Variants in CDC14A observed in about 807,000 individuals in gnomAD.
CDC14A encodes dual specificity protein phosphatase CDC14A.
CDC14A carries 53 observed loss-of-function variants against 74.4 expected under a neutral mutation model. That is an observed-to-expected ratio of 0.71 (90% confidence interval 0.57 to 0.89). The LOEUF (loss-of-function observed/expected upper bound fraction) is 0.89. CDC14A is among the 40% of genes least tolerant of loss of function. The probability of loss-of-function intolerance (pLI) is 0.00; values close to 1 mark genes in which losing one functional copy is unlikely to be tolerated. For synonymous variants in CDC14A, 247 were observed against 258.4 expected, an observed-to-expected ratio of 0.96 and a Z score of 0.43; for missense variants, 646 against 713.7, an observed-to-expected ratio of 0.91 and a Z score of 1.08.
intron 4 of CDC14A, among the ~76,000 whole-genome samples, chr1:100,422,194 T>C (rs6702937): frequency 0.02 from 3,012 of 152,296 alleles, 109 homozygotes; most frequent in African/African-American, 0.069. Flanking sequence ...TGCTAAGTCA[T>C]GCAGGTAAGA....
intron 15 of CDC14A, among the ~76,000 whole-genome samples, chr1:100,505,463 A>G (rs915682579): frequency 2.6e-5 from 4 of 152,248 alleles, no homozygotes; most frequent in African/African-American, 9.6e-5. Flanking sequence ...ACCTGGAATG[A>G]GATCAAAATA....
chr1:100,389,766 A>G (rs1201500462), intron 3 of CDC14A, among the ~76,000 whole-genome samples: 1 of 152,162 alleles, frequency 6.6e-6, no homozygotes, highest in African/African-American at 2.4e-5. Flanking sequence ...AGCTGCTTTT[A>G]TAGTCAATGT....
At chr1:100,371,243 G>A (rs1240850207) in intron 2 of CDC14A, among the ~76,000 whole-genome samples, 1 of 152,170 alleles carries the variant, frequency 6.6e-6, no homozygotes, top group African/African-American at 2.4e-5. Flanking sequence ...TATATCGTCA[G>A]TGGAAAGAGA....
chr1:100,446,724 G>A (rs1408302477), intron 7 of CDC14A, among the ~76,000 whole-genome samples: 1 of 152,012 alleles, frequency 6.6e-6, no homozygotes, highest in Non-Finnish European at 1.5e-5. Context: ...TTGAGAGAGG[G>A]TCTCGCTCTG....
chr1:100,471,713 T>A (rs1047295687), intron 10 of CDC14A, among the ~76,000 whole-genome samples: 2 of 152,274 alleles, frequency 1.3e-5, no homozygotes, highest in Admixed American at 6.5e-5. Context: ...ACTTGATTTA[T>A]GATAAAGGTG....
In CDC14A at chr1:100,491,520, C is replaced by A. The variant is rs578190816; in HGVS notation, c.1138-3298C>A. 2.5e-3 allele frequency among the ~76,000 whole-genome samples: 52 copies of A among 20,938 alleles called. 1 individual carries two copies. Among genetic ancestry groups the A allele is most frequent in the Non-Finnish European group, 3.3e-3 (33 of 10,114 alleles). The allele number at this position is 20,938 out of a possible 152,430, so 13.7% of individuals were successfully genotyped here. On this transcript the variant is annotated intron_variant, in intron 11 of 15. Coordinates refer to ENST00000336454, the MANE Select transcript of CDC14A (RefSeq NM_003672.4). ...AAATATATCATAAATATATCTGCATCTCTCTCTCTCTCTCTCTCTCTCTCT... is the reference window on the plus strand; with the variant it reads ...AAATATATCATAAATATATCTGCATATCTCTCTCTCTCTCTCTCTCTCTCT...
upstream of CDC14A, among the ~76,000 whole-genome samples, chr1:100,348,625 A>T (rs945705913): frequency 3.3e-5 from 5 of 152,220 alleles, no homozygotes; most frequent in African/African-American, 1.2e-4. Flanking sequence ...CATGTAATAT[A>T]AGACAATGTA....
At chr1:100,351,973 A>AGTGTGTGTGT (rs35169146), upstream of CDC14A, among the ~76,000 whole-genome samples, 34 of 146,176 alleles carry the variant, frequency 2.3e-4, no homozygotes, top group African/African-American at 8.0e-4. Context: ...GGTTTTTACG[A>AGTGTGTGTGT]GTGTGTGTGT....
chr1:100,420,052 A>AC (rs1662105541), intron 4 of CDC14A, among the ~76,000 whole-genome samples: 1 of 48,728 alleles, frequency 2.1e-5, no homozygotes, highest in African/African-American at 4.4e-5. Flanking sequence ...ACACACACAC[A>AC]CACACACACA....
At chr1:100,393,276 T>A in intron 4 of CDC14A, 2 of 1,329,350 alleles carry the variant, frequency 1.5e-6, no homozygotes, top group Non-Finnish European at 2.2e-6. Flanking sequence ...TTCAATCATA[T>A]GAACTAGATT....
intron 4 of CDC14A, among the ~76,000 whole-genome samples, chr1:100,420,082 A>ATATATATATATATATAGT (rs58124351): frequency 9.5e-6 from 1 of 105,548 alleles, no homozygotes; most frequent in Non-Finnish European, 2.0e-5. Flanking sequence ...ATATATATAT[A>ATATATATATATATATAGT]GTGTGTATGT....
rs187361890 is a variant in CDC14A, at chr1:100,408,660, C to G, written c.310-15562C>G. 1.2e-4 allele frequency among the ~76,000 whole-genome samples: 19 copies of G among 152,318 alleles called. No individual in the cohort carries two copies. The East Asian group carries it at 3.7e-3, about 29-fold the overall frequency. ...CATTGTGGTTTTGATTTACATTTCTCTAATGATCAGTGATACTGAGCTTTT... is the reference window on the plus strand; with the variant it reads ...CATTGTGGTTTTGATTTACATTTCTGTAATGATCAGTGATACTGAGCTTTT... On this transcript the variant is annotated intron_variant, in intron 4 of 15. Coordinates refer to ENST00000336454, the MANE Select transcript of CDC14A (RefSeq NM_003672.4).
At chr1:100,365,231 A>G (rs1653402210) in intron 2 of CDC14A, among the ~76,000 whole-genome samples, 1 of 152,220 alleles carries the variant, frequency 6.6e-6, no homozygotes, top group Non-Finnish European at 1.5e-5. Context: ...AGTGAATTTC[A>G]TGGAAAAAGT....
chr1:100,388,156 C>T (rs895798699), intron 3 of CDC14A, among the ~76,000 whole-genome samples: 1 of 151,980 alleles, frequency 6.6e-6, no homozygotes, highest in Non-Finnish European at 1.5e-5. Flanking sequence ...TCCCTATGCT[C>T]AGTCTGACTC....
chr1:100,373,361 G>A (rs1204655209), intron 2 of CDC14A, among the ~76,000 whole-genome samples: 1 of 152,134 alleles, frequency 6.6e-6, no homozygotes, highest in Non-Finnish European at 1.5e-5. Flanking sequence ...AGTTTGTGGA[G>A]ACCCAAAACA....
intron 9 of CDC14A, among the ~76,000 whole-genome samples, chr1:100,463,691 A>G (rs1156418014): frequency 3.3e-5 from 5 of 152,214 alleles, no homozygotes; most frequent in African/African-American, 1.2e-4. Flanking sequence ...CATGTCAGCT[A>G]CTCAGAAAAT....
chr1:100,518,212 G>T (rs2101493218), intron 15 of CDC14A, 39 bp from the exon 16 acceptor site: 3 of 1,557,880 alleles, frequency 1.9e-6, no homozygotes, highest in Non-Finnish European at 2.7e-6. Context: ...TTTTACATGT[G>T]ATGGAATTTA....
chr1:100,358,745 G>A (rs1307014209), intron 2 of CDC14A, among the ~76,000 whole-genome samples: 1 of 152,096 alleles, frequency 6.6e-6, no homozygotes, highest in Non-Finnish European at 1.5e-5. Context: ...AGGAAGTTTT[G>A]GATAAGTAAT....
chr1:100,507,765 C>CA (rs1454013651), intron 15 of CDC14A, among the ~76,000 whole-genome samples: 1 of 152,060 alleles, frequency 6.6e-6, no homozygotes, highest in East Asian at 1.9e-4. Context: ...CCAGGTTCTC[C>CA]ACCTCCCAGG....
Sources: gnomAD v4.1 joint callset for allele counts (sites outside exome capture counted in the v4.1 genomes callset) on GRCh38, gnomAD v4.1.1 for gene constraint, MANE v1.5 for transcripts, NCBI Gene and HGNC (gene_info 2026-07-23, HGNC 2026-07-21) for gene names.